Variants in KCND2 observed in about 807,000 individuals in gnomAD.
KCND2 encodes the protein potassium voltage-gated channel subfamily D member 2.
Under a neutral mutation model 54.4 loss-of-function variants are expected in KCND2, and 16 were observed. The observed-to-expected ratio is 0.29, with a 90% CI of 0.20 to 0.45. The LOEUF (loss-of-function observed/expected upper bound fraction) is 0.45. Among genes scored for constraint, KCND2 ranks in the 20% least tolerant of loss-of-function variants. The pLI, the probability that KCND2 is intolerant of heterozygous loss-of-function variation, is 1.00. For synonymous variants in KCND2, 317 were observed against 310.7 expected (o/e 1.02, Z -0.21); for missense variants, 486 against 824.2 (o/e 0.59, Z 5.02).
intron 1 of KCND2, among the ~76,000 whole-genome samples, chr7:120,485,240 G>T (rs1208186042): frequency 6.6e-6 from 1 of 152,090 alleles, no homozygotes; most frequent in Non-Finnish European, 1.5e-5. Context: ...TAATGAGTGA[G>T]TTTAGTATGA....
chr7:120,606,562 G>T (rs762953938), intron 1 of KCND2, among the ~76,000 whole-genome samples: 2 of 151,864 alleles, frequency 1.3e-5, no homozygotes, highest in African/African-American at 4.8e-5. Flanking sequence ...TATATAGTAC[G>T]CAGAAGGGGT....
chr7:120,307,176 T>C lies in KCND2; in HGVS notation c.1115+31429T>C, dbSNP rs6943335. 7.2e-3 allele frequency among the ~76,000 whole-genome samples: 1,090 copies of C among 152,096 alleles called. 11 individuals are homozygous for C. The highest frequency in any genetic ancestry group is 0.025 in the African/African-American group (1,022 of 41,510). ...TCTGATGTCATTTTTTTCTATCTAATAGACACAAACCCCTTTGTTTAACTT... is the reference window on the plus strand; with the variant it reads ...TCTGATGTCATTTTTTTCTATCTAACAGACACAAACCCCTTTGTTTAACTT... On this transcript the variant is annotated intron_variant, in intron 1 of 5. Coordinates refer to ENST00000331113, the MANE Select transcript of KCND2 (RefSeq NM_012281.3).
chr7:120,665,574 T>C (rs1435265253), intron 1 of KCND2, among the ~76,000 whole-genome samples: 1 of 152,012 alleles, frequency 6.6e-6, no homozygotes, highest in Non-Finnish European at 1.5e-5. Context: ...CAGGGTGTTG[T>C]GTATGCCTGT....
chr7:120,328,653 CTT>C (rs1371837745), intron 1 of KCND2, among the ~76,000 whole-genome samples: 2 of 152,050 alleles, frequency 1.3e-5, no homozygotes, highest in African/African-American at 4.8e-5. Flanking sequence ...GGAGGAAAAA[CTT>C]ATCAAAATAT....
chr7:120,339,503 CTGTGTGTGTGTGTGTGTGTG>C lies in KCND2; in HGVS notation c.1115+63774_1115+63793del, dbSNP rs10525061. 5.2e-3 allele frequency among the ~76,000 whole-genome samples: 776 copies of C among 149,794 alleles called. 9 individuals carry two copies. Among genetic ancestry groups the C allele is most frequent in the African/African-American group, 0.018 (714 of 40,622 alleles). ...CAGATTTCCAATTCTCTTTAGAAGGCTGTGTGTGTGTGTGTGTGTGTGTGTGTGTGTGTGTGTCTGCGTGT... is the reference window on the plus strand; with the variant it reads ...CAGATTTCCAATTCTCTTTAGAAGGCTGTGTGTGTGTGTGTGTCTGCGTGT... On this transcript the variant is annotated intron_variant, in intron 1 of 5. Transcript: ENST00000331113.
chr7:120,692,106 A>G (rs948767945), intron 1 of KCND2, among the ~76,000 whole-genome samples: 15 of 152,226 alleles, frequency 9.9e-5, no homozygotes, highest in African/African-American at 3.1e-4. Context: ...TGCATCAGCA[A>G]TGACAATTCT....
At chr7:120,565,290 A>C (rs1160518821) in intron 1 of KCND2, among the ~76,000 whole-genome samples, 2 of 152,212 alleles carry the variant, frequency 1.3e-5, no homozygotes, top group Admixed American at 1.3e-4. Context: ...CAAGAGCCGT[A>C]TCTGTGAAAA....
chr7:120,443,264 A>G (rs1801968131), intron 1 of KCND2, among the ~76,000 whole-genome samples: 1 of 151,870 alleles, frequency 6.6e-6, no homozygotes, highest in Non-Finnish European at 1.5e-5. Context: ...GAAATATTAG[A>G]TATGGTTTCC....
chr7:120,581,223 G>A (rs557027464), intron 1 of KCND2, among the ~76,000 whole-genome samples: 1 of 152,308 alleles, frequency 6.6e-6, no homozygotes, highest in South Asian at 2.1e-4. Context: ...TCAACAGACT[G>A]CAGATTTTAG....
rs145962602 is a variant in KCND2 at position 120,347,401 on chromosome 7, A to G, written c.1115+71654A>G. On this transcript the variant is annotated intron_variant, in intron 1 of 5. Transcript: ENST00000331113. The stretch of plus-strand genomic sequence containing the variant: ...CTACTTATGTGTAAATGAAAACTAA[A>G]TAGAACTGCATTAAGGAGCTAAGTA... Among the ~76,000 whole-genome samples, 153 of 152,326 alleles carry G rather than the reference A, an allele frequency of 1.0e-3. 2 individuals carry two copies. The Middle Eastern group carries it at 0.031, about 30-fold the overall frequency.
At chr7:120,322,009 A>G (rs1799898852) in intron 1 of KCND2, among the ~76,000 whole-genome samples, 1 of 152,140 alleles carries the variant, frequency 6.6e-6, no homozygotes, top group Non-Finnish European at 1.5e-5. Flanking sequence ...ATCTACAAAA[A>G]ATGATAAGGA....
chr7:120,382,612 A>G (rs1185653920), intron 1 of KCND2, among the ~76,000 whole-genome samples: 2 of 151,914 alleles, frequency 1.3e-5, no homozygotes, highest in African/African-American at 4.8e-5. Context: ...AATGATCAAC[A>G]TTAACAAAAT....
chr7:120,646,931 C>T (rs1793449815), intron 1 of KCND2, among the ~76,000 whole-genome samples: 1 of 152,154 alleles, frequency 6.6e-6, no homozygotes, highest in Admixed American at 6.6e-5. Flanking sequence ...CTCAAAGAGT[C>T]ACTTGTTCTT....
chr7:120,344,620 T>A (rs1800287692), intron 1 of KCND2, among the ~76,000 whole-genome samples: 1 of 152,140 alleles, frequency 6.6e-6, no homozygotes, highest in Non-Finnish European at 1.5e-5. Context: ...AGGTAAACTT[T>A]TATTTAGGAC....
intron 1 of KCND2, among the ~76,000 whole-genome samples, chr7:120,365,667 T>C (rs1339910949): frequency 1.3e-5 from 2 of 152,130 alleles, no homozygotes; most frequent in Non-Finnish European, 2.9e-5. Context: ...ATGTCAATCG[T>C]ACAATTACTA....
At chr7:120,335,438 T>A (rs1206357183) in intron 1 of KCND2, among the ~76,000 whole-genome samples, 1 of 132,860 alleles carries the variant, frequency 7.5e-6, no homozygotes, top group Non-Finnish European at 1.5e-5. Context: ...TGGCTTGCTT[T>A]ATTTATTTAT....
chr7:120,553,252 T>G (rs1286987269), intron 1 of KCND2, among the ~76,000 whole-genome samples: 1 of 152,208 alleles, frequency 6.6e-6, no homozygotes, highest in East Asian at 1.9e-4. Flanking sequence ...CACACAGTAT[T>G]TGTCTTTGTG....
At chr7:120,510,197 A>G (rs750826600) in intron 1 of KCND2, among the ~76,000 whole-genome samples, 7 of 152,162 alleles carry the variant, frequency 4.6e-5, no homozygotes, top group Non-Finnish European at 1.0e-4. Context: ...AGTACAACAT[A>G]TTCTAGCTGT....
At chr7:120,667,934 G>C (rs1791948022) in intron 1 of KCND2, among the ~76,000 whole-genome samples, 1 of 151,866 alleles carries the variant, frequency 6.6e-6, no homozygotes, top group South Asian at 2.1e-4. Context: ...TAAACTCATT[G>C]TATTCTGACA....
Sources: gnomAD v4.1 joint callset for allele counts (sites outside exome capture counted in the v4.1 genomes callset) on GRCh38, gnomAD v4.1.1 for gene constraint, MANE v1.5 for transcripts, NCBI Gene and HGNC (gene_info 2026-07-23, HGNC 2026-07-21) for gene names.